The following MTARC2 variants were observed in gnomAD, a reference collection of about 807,000 sequenced individuals.
MTARC2 encodes MOCO sulphurase C-terminal domain containing 2.
In MTARC2, 27 loss-of-function variants were observed where a neutral mutation model predicts 35.6. That is an observed-to-expected ratio of 0.76 (90% CI 0.56 to 1.04). The LOEUF (loss-of-function observed/expected upper bound fraction) is 1.04. Among genes scored for constraint, MTARC2 ranks in the 50% least tolerant of loss-of-function variants. MTARC2 has a pLI of 0.00. For missense variants in MTARC2, 412 were observed against 432.5 expected (o/e 0.95, Z 0.42); for synonymous variants, 158 against 167.1 (o/e 0.95, Z 0.42).
chr1:220,762,971 A>G lies in MTARC2; in HGVS notation c.671A>G (p.Asn224Ser). ...IMTDASLVDL[N>S]TRMEKKMKME... The stretch of plus-strand genomic sequence containing the variant: ...ACAGATGCCTCCCTGGTAGATTTGA[A>G]TACCAGGATGGAGAAGAAAATGAAA... The change falls in exon 4 of 8, where the codon AAT (asparagine) becomes AGT (serine). Residue 224 changes from asparagine to serine, a missense_variant. Asn to Ser is a conservative substitution (Grantham distance 46). Transcript: ENST00000366913. 1.9e-6 allele frequency: 3 copies of G among 1,614,158 alleles called. No individual in the cohort carries two copies. The highest frequency in any genetic ancestry group is 2.5e-6 in the Non-Finnish European group (3 of 1,179,992).
At chr1:220,777,185 C>T (rs981211812) in intron 4 of MTARC2, among the ~76,000 whole-genome samples, 4 of 152,204 alleles carry the variant, frequency 2.6e-5, no homozygotes, top group Non-Finnish European at 4.4e-5. Flanking sequence ...TTCCACAAAG[C>T]AGCAGTTTCC....
At chr1:220,782,009 T>C in intron 7 of MTARC2, 77 bp downstream of exon 7, 1 of 1,213,396 alleles carries the variant, frequency 8.2e-7, no homozygotes, top group Non-Finnish European at 1.1e-6. Context: ...TTTTTTTATG[T>C]TATGCTGCTT....
At chr1:220,749,185 G>A (rs927792961) in intron 1 of MTARC2, among the ~76,000 whole-genome samples, 2 of 152,198 alleles carry the variant, frequency 1.3e-5, no homozygotes, top group Admixed American at 1.3e-4. Context: ...AAGGACATTG[G>A]CTTAGGCCTT....
intron 4 of MTARC2, among the ~76,000 whole-genome samples, chr1:220,767,737 T>G (rs1165122625): frequency 6.6e-6 from 1 of 152,212 alleles, no homozygotes; most frequent in Admixed American, 6.5e-5. Context: ...AGAAAACTCT[T>G]GGTATGTTAT....
intron 4 of MTARC2, among the ~76,000 whole-genome samples, chr1:220,770,086 G>A (rs928410356): frequency 3.3e-5 from 5 of 151,878 alleles, no homozygotes; most frequent in South Asian, 2.1e-4. Context: ...CAGCCTGGGC[G>A]ACAGAGCAAG....
rs748602791 is a variant in MTARC2, at chr1:220,783,978, C to G, written c.*91C>G. The G allele has an allele frequency of 1.4e-6, 1 of 717,328 alleles. No individual in the cohort carries two copies. Among genetic ancestry groups the G allele is most frequent in the South Asian group, 1.5e-5 (1 of 67,572 alleles). The allele number at this position is 717,328 out of a possible 1,614,324, so 44.4% of individuals were successfully genotyped here. ...AACAACAGCAGCAACGATACATCAG[C>G]AAATCCTTATTATCCAGCCTTCAAC... On this transcript the variant is annotated 3_prime_UTR_variant, in exon 8 of 8. Coordinates refer to ENST00000366913, the MANE Select transcript of MTARC2 (RefSeq NM_017898.5).
At chr1:220,776,907 C>T (rs546785074) in intron 4 of MTARC2, among the ~76,000 whole-genome samples, 67 of 152,302 alleles carry the variant, frequency 4.4e-4, no homozygotes, top group African/African-American at 1.5e-3. Context: ...TGGTAGGTGC[C>T]CAGCCTTCCT....
chr1:220,783,036 C>T (rs754301950), intron 7 of MTARC2, among the ~76,000 whole-genome samples: 2 of 152,118 alleles, frequency 1.3e-5, no homozygotes, highest in Non-Finnish European at 2.9e-5. Flanking sequence ...CAGGCTTTGC[C>T]TTTGAGGTGG....
intron 3 of MTARC2, among the ~76,000 whole-genome samples, chr1:220,762,100 G>T (rs1346696012): frequency 6.6e-6 from 1 of 152,164 alleles, no homozygotes. Context: ...CCAGGTAGAT[G>T]GAGATGCAAG....
At position 220,783,543 on chromosome 1, in the gene MTARC2, G is replaced by A. The variant is rs575582173; in HGVS notation, c.*32-376G>A. 1.3e-4 allele frequency among the ~76,000 whole-genome samples: 20 copies of A among 152,308 alleles called. No homozygotes were observed. In the East Asian group the frequency reaches 1.3e-3, roughly 10 times the overall value. ...GATTGAGGGTTTTCCATATCACTCC[G>A]TCACAAACTCATCCAATCAGATCCT... is the stretch of plus-strand genomic sequence containing the variant. On this transcript the variant is annotated intron_variant, in intron 7 of 7. Coordinates refer to ENST00000366913, the MANE Select transcript of MTARC2 (RefSeq NM_017898.5).
chr1:220,764,811 G>A (rs1394960626), intron 4 of MTARC2, among the ~76,000 whole-genome samples: 1 of 151,912 alleles, frequency 6.6e-6, no homozygotes, highest in Non-Finnish European at 1.5e-5. Context: ...CAATAGCAAT[G>A]TATACAGAAG....
At chr1:220,752,513 C>T (rs758455515) in intron 1 of MTARC2, among the ~76,000 whole-genome samples, 1 of 152,160 alleles carries the variant, frequency 6.6e-6, no homozygotes, top group Non-Finnish European at 1.5e-5. Flanking sequence ...CAGAACCCAG[C>T]CCCAGGATGA....
chr1:220,752,534 G>T (rs1671150631), intron 1 of MTARC2, among the ~76,000 whole-genome samples: 1 of 152,200 alleles, frequency 6.6e-6, no homozygotes, highest in African/African-American at 2.4e-5. Flanking sequence ...GTGAGCCAGA[G>T]AACTGTGGGA....
intron 6 of MTARC2, among the ~76,000 whole-genome samples, chr1:220,781,477 A>T (rs954092341): frequency 2.6e-5 from 4 of 152,298 alleles, no homozygotes; most frequent in African/African-American, 9.6e-5. Flanking sequence ...TGTTTCAATG[A>T]GTTGTGAAGT....
intron 4 of MTARC2, among the ~76,000 whole-genome samples, chr1:220,774,215 C>T (rs1671828066): frequency 6.6e-6 from 1 of 152,040 alleles, no homozygotes; most frequent in South Asian, 2.1e-4. Context: ...CACAGGCACA[C>T]ACCACCACAC....
chr1:220,762,880 G>A lies in MTARC2; in HGVS notation c.610-30G>A, dbSNP rs943718978. On this transcript the variant is annotated intron_variant, in intron 3 of 7. Coordinates refer to ENST00000366913, the MANE Select transcript of MTARC2 (RefSeq NM_017898.5). ...GGTCTAGGCCATTTTGTGGAGTGGTGGGGCCTGACTATCCTGTGTTCTTGG... is the reference window on the plus strand; with the variant it reads ...GGTCTAGGCCATTTTGTGGAGTGGTAGGGCCTGACTATCCTGTGTTCTTGG... 5.0e-6 allele frequency: 8 copies of A among 1,613,098 alleles called. No individual in the cohort carries two copies. In the South Asian group the frequency reaches 7.7e-5, roughly 16 times the overall value.
At chr1:220,765,905 G>C (rs1365132837) in intron 4 of MTARC2, among the ~76,000 whole-genome samples, 1 of 152,190 alleles carries the variant, frequency 6.6e-6, no homozygotes, top group Non-Finnish European at 1.5e-5. Context: ...CTAAAGTGCA[G>C]ATTAGCAGGC....
chr1:220,763,907 A>G (rs1671506406), intron 4 of MTARC2, among the ~76,000 whole-genome samples: 1 of 152,212 alleles, frequency 6.6e-6, no homozygotes, highest in Non-Finnish European at 1.5e-5. Context: ...TTTGCCTAGC[A>G]GAGAAATGGT....
chr1:220,751,117 T>C (rs532822861), intron 1 of MTARC2, among the ~76,000 whole-genome samples: 1 of 152,358 alleles, frequency 6.6e-6, no homozygotes, highest in South Asian at 2.1e-4. Context: ...CAAATGTTCC[T>C]AGAGTTCAGG....
Sources: gnomAD v4.1 joint callset for allele counts (sites outside exome capture counted in the v4.1 genomes callset) on GRCh38, gnomAD v4.1.1 for gene constraint, MANE v1.5 for transcripts, NCBI Gene and HGNC (gene_info 2026-07-23, HGNC 2026-07-21) for gene names.